MMP26: variants seen among roughly 807,000 people sequenced by gnomAD.
MMP26 encodes matrix metallopeptidase 26, also known as matrix metalloproteinase-26.
A neutral mutation model predicts 31.0 loss-of-function variants in MMP26; 33 were observed. That is an observed-to-expected ratio of 1.06 (90% CI 0.81 to 1.42). MMP26 has a LOEUF of 1.42. Ranked by LOEUF, MMP26 falls within the 40% of genes most tolerant of loss-of-function variation. MMP26 has a pLI of 0.00. For synonymous variants in MMP26, 122 were observed against 114.9 expected, an observed-to-expected ratio of 1.06 and a Z score of -0.40; for missense variants, 347 against 316.1, an observed-to-expected ratio of 1.10 and a Z score of -0.74.
chr11:4,766,506 G>C (rs1848630642), intron 1 of MMP26, among the ~76,000 whole-genome samples: 1 of 152,206 alleles, frequency 6.6e-6, no homozygotes, highest in East Asian at 1.9e-4. Flanking sequence ...GGAGTTCTTT[G>C]ACTCTAACAA....
At chr11:4,981,815 G>GT (rs989557560) in intron 2 of MMP26, among the ~76,000 whole-genome samples, 5 of 151,226 alleles carry the variant, frequency 3.3e-5, no homozygotes, top group Non-Finnish European at 7.4e-5. Flanking sequence ...ATACTTTTAA[G>GT]TTTTTTTCTT....
chr11:4,798,579 G>T (rs1038371309), intron 2 of MMP26, among the ~76,000 whole-genome samples: 2 of 152,192 alleles, frequency 1.3e-5, no homozygotes, highest in Non-Finnish European at 2.9e-5. Context: ...GCTAGGATTT[G>T]CTGAAATCTG....
intron 1 of MMP26, among the ~76,000 whole-genome samples, chr11:4,754,495 A>G (rs1477029389): frequency 6.6e-6 from 1 of 152,018 alleles, no homozygotes; most frequent in Non-Finnish European, 1.5e-5. Flanking sequence ...GATGCTATAA[A>G]TCAAATTAAT....
chr11:4,803,299 A>G (rs758131359), intron 2 of MMP26: 2 of 624,406 alleles, frequency 3.2e-6, no homozygotes, highest in African/African-American at 1.8e-5. Flanking sequence ...TCTTGCCTCT[A>G]GAGGGTTGCT....
intron 2 of MMP26, among the ~76,000 whole-genome samples, chr11:4,852,787 T>C (rs551429625): frequency 2.0e-5 from 3 of 152,316 alleles, no homozygotes; most frequent in South Asian, 2.1e-4. Context: ...TGAAGCATTA[T>C]TCATAATAGC....
chr11:4,979,173 C>T (rs911505512), intron 2 of MMP26, among the ~76,000 whole-genome samples: 1 of 152,064 alleles, frequency 6.6e-6, no homozygotes, highest in African/African-American at 2.4e-5. Flanking sequence ...AACAGTGATA[C>T]TTGGCTTGCA....
chr11:4,941,808 A>G (rs1236338848), intron 2 of MMP26, among the ~76,000 whole-genome samples: 5 of 151,826 alleles, frequency 3.3e-5, no homozygotes, highest in Non-Finnish European at 2.9e-5. Context: ...AAAACCTGCT[A>G]GGTGCCGTGG....
chr11:4,809,913 C>T (rs147065811), intron 2 of MMP26, among the ~76,000 whole-genome samples: 14 of 152,206 alleles, frequency 9.2e-5, no homozygotes, highest in Admixed American at 5.2e-4. Flanking sequence ...CAGACCTCTA[C>T]TCTGTCTTTA....
chr11:4,979,339 T>C (rs1455500167), intron 2 of MMP26, among the ~76,000 whole-genome samples: 5 of 152,174 alleles, frequency 3.3e-5, no homozygotes, highest in Non-Finnish European at 5.9e-5. Context: ...AACACCATTA[T>C]ACACATTATA....
At chr11:4,729,153 T>C (rs1317354646) in intron 1 of MMP26, among the ~76,000 whole-genome samples, 9 of 152,162 alleles carry the variant, frequency 5.9e-5, no homozygotes, top group Non-Finnish European at 1.2e-4. Flanking sequence ...GCTTTAAAAA[T>C]TGTACCATAA....
intron 2 of MMP26, among the ~76,000 whole-genome samples, chr11:4,987,174 A>T (rs1449658020): frequency 6.6e-6 from 1 of 150,764 alleles, no homozygotes; most frequent in African/African-American, 2.4e-5. Flanking sequence ...GAGCCACTGC[A>T]CCCAGCCGAG....
chr11:4,726,443 C>T (rs1313975923), intron 1 of MMP26, among the ~76,000 whole-genome samples: 1 of 151,068 alleles, frequency 6.6e-6, no homozygotes, highest in African/African-American at 2.4e-5. Flanking sequence ...GCCTGGGAGA[C>T]AAGAGTGCAA....
chr11:4,717,526 G>GTT (rs397747424), intron 1 of MMP26, among the ~76,000 whole-genome samples: 6 of 146,036 alleles, frequency 4.1e-5, no homozygotes, highest in African/African-American at 7.5e-5. Context: ...TTTCCATGTT[G>GTT]TTTTTTTTTT....
At chr11:4,763,635 A>G (rs931432298) in intron 1 of MMP26, among the ~76,000 whole-genome samples, 1 of 152,168 alleles carries the variant, frequency 6.6e-6, no homozygotes, top group Admixed American at 6.5e-5. Flanking sequence ...ATTTATTTTC[A>G]TATGTTATAG....
chr11:4,762,060 T>C (rs563385115), intron 1 of MMP26, among the ~76,000 whole-genome samples: 2 of 152,268 alleles, frequency 1.3e-5, no homozygotes, highest in African/African-American at 4.8e-5. Flanking sequence ...GTTTTATTGT[T>C]TTCCAGTCAG....
chr11:4,803,547 C>T, intron 2 of MMP26: 1 of 1,613,932 alleles, frequency 6.2e-7, no homozygotes, highest in Non-Finnish European at 8.5e-7. Context: ...GATTAGCAAA[C>T]AGGATGTGTA....
intron 2 of MMP26, among the ~76,000 whole-genome samples, chr11:4,970,808 G>A (rs763371555): frequency 6.6e-6 from 1 of 152,148 alleles, no homozygotes; most frequent in African/African-American, 2.4e-5. Context: ...ATTGTGCACC[G>A]GTGCCAGTGG....
intron 2 of MMP26, among the ~76,000 whole-genome samples, chr11:4,788,063 A>G (rs1848972748): frequency 6.6e-6 from 1 of 152,194 alleles, no homozygotes; most frequent in Non-Finnish European, 1.5e-5. Context: ...AGTATAGAAG[A>G]TACAGTTAGT....
intron 1 of MMP26, among the ~76,000 whole-genome samples, chr11:4,761,694 ATT>A (rs1222801205): frequency 6.6e-6 from 1 of 152,056 alleles, no homozygotes; most frequent in East Asian, 1.9e-4. Flanking sequence ...AGAGTCTAGT[ATT>A]TTTTCTTGGT....
Sources: gnomAD v4.1 joint callset for allele counts (sites outside exome capture counted in the v4.1 genomes callset) on GRCh38, gnomAD v4.1.1 for gene constraint, MANE v1.5 for transcripts, NCBI Gene and HGNC (gene_info 2026-07-23, HGNC 2026-07-21) for gene names.